Variants in ERC2 observed in about 807,000 individuals in gnomAD.
The protein encoded by ERC2 is ELKS/RAB6-interacting/CAST family member 2.
Under a neutral mutation model 114.8 loss-of-function variants are expected in ERC2, and 42 were observed. The ratio of observed to expected loss-of-function variants is 0.37; its 90% CI spans 0.29 to 0.47. The LOEUF is 0.47. ERC2 is among the 20% of genes least tolerant of loss of function. ERC2 has a pLI of 0.99. For synonymous variants in ERC2, 454 were observed against 425.5 expected (o/e 1.07, Z -0.82); for missense variants, 939 against 1,150.7 (o/e 0.82, Z 2.66).
chr3:56,452,154 T>C (rs540276942), intron 1 of ERC2, among the ~76,000 whole-genome samples: 30 of 152,362 alleles, frequency 2.0e-4, no homozygotes, highest in African/African-American at 6.7e-4. Flanking sequence ...CACAGCACCA[T>C]GCCCATTGAC....
chr3:56,295,574 C>T (rs1269525632), intron 3 of ERC2, among the ~76,000 whole-genome samples: 1 of 152,204 alleles, frequency 6.6e-6, no homozygotes, highest in African/African-American at 2.4e-5. Flanking sequence ...CCATTCTTTC[C>T]CATAGGCTTT....
chr3:56,057,528 G>C (rs1181107317), intron 7 of ERC2, among the ~76,000 whole-genome samples: 1 of 152,132 alleles, frequency 6.6e-6, no homozygotes, highest in African/African-American at 2.4e-5. Context: ...ATAGCTGCAT[G>C]GTTCTTTCGC....
At chr3:55,882,749 C>A (rs1291385683) in intron 14 of ERC2, among the ~76,000 whole-genome samples, 1 of 152,168 alleles carries the variant, frequency 6.6e-6, no homozygotes, top group African/African-American at 2.4e-5. Context: ...ATTTTGGTAT[C>A]TAAAGGAGGC....
intron 16 of ERC2, among the ~76,000 whole-genome samples, chr3:55,692,282 G>A (rs1017540076): frequency 6.6e-6 from 1 of 152,204 alleles, no homozygotes; most frequent in Non-Finnish European, 1.5e-5. Flanking sequence ...CCCAGGAGGG[G>A]CTGCTGTGAC....
intron 2 of ERC2, among the ~76,000 whole-genome samples, chr3:56,412,826 T>C (rs189529025): frequency 6.6e-6 from 1 of 152,354 alleles, no homozygotes; most frequent in African/African-American, 2.4e-5. Context: ...TTACTATTAT[T>C]TTATTCTAAT....
chr3:56,005,973 C>T (rs1001216380), intron 10 of ERC2, among the ~76,000 whole-genome samples: 1 of 151,910 alleles, frequency 6.6e-6, no homozygotes, highest in Non-Finnish European at 1.5e-5. Context: ...AATTTAAATT[C>T]TTTTATTTAT....
chr3:56,239,577 G>C (rs894146505), intron 3 of ERC2, among the ~76,000 whole-genome samples: 5 of 152,116 alleles, frequency 3.3e-5, no homozygotes, highest in Non-Finnish European at 7.4e-5. Flanking sequence ...ATAAAGACTA[G>C]AAACACTGAG....
chr3:55,936,570 G>A (rs2066458447), intron 13 of ERC2, among the ~76,000 whole-genome samples: 1 of 152,170 alleles, frequency 6.6e-6, no homozygotes. Context: ...AAACGACATG[G>A]CAGCAGAAAC....
chr3:56,063,855 G>T (rs2076350663), intron 7 of ERC2, among the ~76,000 whole-genome samples: 1 of 152,112 alleles, frequency 6.6e-6, no homozygotes, highest in Admixed American at 6.6e-5. Flanking sequence ...CATACATATT[G>T]TAAAGTTTAT....
At chr3:56,427,310 T>C (rs1018899778) in intron 2 of ERC2, among the ~76,000 whole-genome samples, 8 of 152,130 alleles carry the variant, frequency 5.3e-5, no homozygotes, top group African/African-American at 9.7e-5. Context: ...GTTGGTTTTG[T>C]AGAGGCAGGG....
At chr3:56,208,749 T>C (rs2048883130) in intron 3 of ERC2, among the ~76,000 whole-genome samples, 2 of 152,036 alleles carry the variant, frequency 1.3e-5, no homozygotes, top group Admixed American at 1.3e-4. Context: ...GACCGTAAAC[T>C]CTCCAGCAGG....
intron 7 of ERC2, among the ~76,000 whole-genome samples, chr3:56,043,742 A>G (rs2075319873): frequency 6.6e-6 from 1 of 152,162 alleles, no homozygotes; most frequent in Admixed American, 6.6e-5. Flanking sequence ...TTGACAAGAT[A>G]GTACCTGCCT....
chr3:56,072,236 G>C (rs897862636), intron 7 of ERC2: 1 of 155,210 alleles, frequency 6.4e-6, no homozygotes, highest in Admixed American at 6.6e-5. Context: ...AAAGCTACAT[G>C]CTTGGTCAAA....
chr3:56,166,866 T>C (rs922165047), intron 4 of ERC2, among the ~76,000 whole-genome samples: 11 of 152,088 alleles, frequency 7.2e-5, no homozygotes, highest in African/African-American at 2.7e-4. Context: ...TCCACTCTAG[T>C]ATATGTTTAC....
chr3:56,462,841 G>A (rs2063376312), intron 1 of ERC2, among the ~76,000 whole-genome samples: 1 of 152,146 alleles, frequency 6.6e-6, no homozygotes, highest in African/African-American at 2.4e-5. Flanking sequence ...TATGCAATAA[G>A]AACTACAGGG....
chr3:56,121,573 AAGTCC>A (rs1185406192), intron 6 of ERC2, among the ~76,000 whole-genome samples: 37 of 152,252 alleles, frequency 2.4e-4, no homozygotes, highest in Admixed American at 1.9e-3. Context: ...CAAAGATTAA[AAGTCC>A]AGGCATTCTG....
chr3:56,407,181 T>C (rs2060762973), intron 2 of ERC2, among the ~76,000 whole-genome samples: 1 of 152,204 alleles, frequency 6.6e-6, no homozygotes, highest in Non-Finnish European at 1.5e-5. Flanking sequence ...CCAAATTTAA[T>C]AGACTATTAG....
At chr3:56,355,840 A>T (rs77813797) in intron 2 of ERC2, among the ~76,000 whole-genome samples, 1 of 149,964 alleles carries the variant, frequency 6.7e-6, no homozygotes, top group African/African-American at 2.4e-5. Context: ...ACCTGCCTAC[A>T]CTGCTGAGAA....
At chr3:55,604,655 G>A (rs116486850) in intron 17 of ERC2, among the ~76,000 whole-genome samples, 1 of 152,298 alleles carries the variant, frequency 6.6e-6, no homozygotes, top group Non-Finnish European at 1.5e-5. Flanking sequence ...AAGCATTTAC[G>A]TTTATTACAA....
Sources: gnomAD v4.1 joint callset for allele counts (sites outside exome capture counted in the v4.1 genomes callset) on GRCh38, gnomAD v4.1.1 for gene constraint, MANE v1.5 for transcripts, NCBI Gene and HGNC (gene_info 2026-07-23, HGNC 2026-07-21) for gene names.